MTUS1: variants seen among roughly 807,000 people sequenced by gnomAD.
The protein encoded by MTUS1 is microtubule associated scaffold protein 1.
MTUS1 carries 109 observed loss-of-function variants against 120.8 expected under a neutral mutation model. That is an observed-to-expected ratio of 0.90 (90% CI 0.77 to 1.06). The LOEUF (loss-of-function observed/expected upper bound fraction) is 1.06, where lower values mean the gene tolerates loss of function less well. Among genes scored for constraint, MTUS1 ranks in the 50% least tolerant of loss-of-function variants. The pLI is 0.00. For synonymous variants in MTUS1, 737 were observed against 550.5 expected (o/e 1.34, Z -4.74); for missense variants, 2,210 against 1,486.3 (o/e 1.49, Z -8.01).
At chr8:17,684,689 T>C (rs1380009523) in intron 6 of MTUS1, 147 bp from the exon 7 acceptor site, 2 of 660,152 alleles carry the variant, frequency 3.0e-6, no homozygotes, top group East Asian at 2.6e-5. Flanking sequence ...AGAACTGGAA[T>C]GAATCGGAGA....
chr8:17,769,676 G>A (rs1045019900), intron 1 of MTUS1, among the ~76,000 whole-genome samples: 1 of 152,010 alleles, frequency 6.6e-6, no homozygotes, highest in African/African-American at 2.4e-5. Flanking sequence ...TAAGGAAAAT[G>A]GTTTAACATT....
chr8:17,697,190 T>A, intron 6 of MTUS1: 1 of 1,509,792 alleles, frequency 6.6e-7, no homozygotes, highest in South Asian at 1.4e-5. Flanking sequence ...AAACCTCTGA[T>A]AAACATCTGC....
chr8:17,744,423 A>G (rs1380355650), intron 2 of MTUS1, among the ~76,000 whole-genome samples: 1 of 151,858 alleles, frequency 6.6e-6, no homozygotes, highest in East Asian at 1.9e-4. Flanking sequence ...TTTAGATAAT[A>G]ACTTCTTTAG....
intron 1 of MTUS1, among the ~76,000 whole-genome samples, chr8:17,775,037 C>G (rs2050310249): frequency 6.8e-6 from 1 of 148,128 alleles, no homozygotes; most frequent in East Asian, 2.0e-4. Flanking sequence ...ACATAAAGCA[C>G]CTGGAGTAGT....
intron 3 of MTUS1, among the ~76,000 whole-genome samples, chr8:17,728,731 A>C (rs1202935197): frequency 6.6e-6 from 1 of 151,634 alleles, no homozygotes; most frequent in African/African-American, 2.4e-5. Flanking sequence ...TGCCAGACTC[A>C]TAATTTTAGA....
At chr8:17,745,931 T>C (rs1343093213) in intron 2 of MTUS1, among the ~76,000 whole-genome samples, 1 of 152,150 alleles carries the variant, frequency 6.6e-6, no homozygotes, top group Non-Finnish European at 1.5e-5. Context: ...ACTTCCCCCT[T>C]GCTGTTCTTA....
At chr8:17,686,035 C>G (rs748646271) in intron 6 of MTUS1, among the ~76,000 whole-genome samples, 2 of 152,194 alleles carry the variant, frequency 1.3e-5, no homozygotes, top group African/African-American at 2.4e-5. Flanking sequence ...ATGTCATTTC[C>G]TAAATGTTTT....
In MTUS1 at chr8:17,753,699, T is replaced by C. The variant is rs575488179; in HGVS notation, c.2091+18A>G. 3 of 1,427,506 alleles carry C rather than the reference T, an allele frequency of 2.1e-6. No homozygotes were observed. Among genetic ancestry groups the C allele is most frequent in the African/African-American group, 1.4e-5 (1 of 69,550 alleles). 88.4% of individuals were successfully genotyped at this position (1,427,506 alleles called of 1,614,324 possible). A position where few individuals can be genotyped will look rare whatever the true frequency, so the allele number is the denominator to read the frequency against. ...ACAGTTCTCTGAAGCATGCAAAAAA[T>C]ATATATATATTACTTACCAAAAACA... is the stretch of plus-strand genomic sequence containing the variant. On this transcript the variant is annotated intron_variant, in intron 2 of 14. Transcript: ENST00000693296.
In MTUS1 at chr8:17,654,630, A is replaced by T; in HGVS notation, c.3145T>A (p.Leu1049Met). The T allele has an allele frequency of 6.2e-7, 1 of 1,614,188 alleles. No homozygotes were observed. Among genetic ancestry groups the T allele is most frequent in the Non-Finnish European group, 8.5e-7 (1 of 1,179,978 alleles). The change falls in exon 10 of 15, where the codon TTG becomes ATG. Residue 1049 changes from leucine to methionine, a missense_variant. Leu to Met is a conservative substitution (Grantham distance 15). Transcript: ENST00000693296. ...NLNAAHETSK[L>M]EIEASHSEKL... ...TCTGAGTGGCTAGCTTCAATTTCCA[A>T]CTTAGAGGTTTCATGCGCAGCATTT...
At chr8:17,762,010 T>A (rs1242844024) in intron 1 of MTUS1, among the ~76,000 whole-genome samples, 2 of 152,210 alleles carry the variant, frequency 1.3e-5, no homozygotes, top group Admixed American at 6.5e-5. Flanking sequence ...CCTGGTGCAG[T>A]GGCTCAGGCC....
chr8:17,693,438 A>G (rs1817345912), intron 6 of MTUS1: 1 of 152,138 alleles, frequency 6.6e-6, no homozygotes. Flanking sequence ...GTAATAATAT[A>G]TCAGAGTGCC....
chr8:17,680,787 T>C (rs142183247), intron 7 of MTUS1, among the ~76,000 whole-genome samples: 172 of 152,180 alleles, frequency 1.1e-3, no homozygotes, highest in African/African-American at 4.1e-3. Context: ...GCAGAGAGTA[T>C]AGAATGCTCA....
intron 1 of MTUS1, among the ~76,000 whole-genome samples, chr8:17,768,907 C>A (rs114223800): frequency 0.011 from 1,647 of 152,214 alleles, 30 homozygotes; most frequent in African/African-American, 0.037. Context: ...GTTTACACTT[C>A]TGGAGTTTTC....
intron 2 of MTUS1, among the ~76,000 whole-genome samples, chr8:17,751,256 G>A (rs369765126): frequency 3.4e-4 from 51 of 152,200 alleles, no homozygotes; most frequent in East Asian, 1.7e-3. Flanking sequence ...CCGAGATCGC[G>A]CCACTGCACT....
chr8:17,753,427 T>C (rs1182051439), intron 2 of MTUS1, among the ~76,000 whole-genome samples: 1 of 152,216 alleles, frequency 6.6e-6, no homozygotes, highest in Non-Finnish European at 1.5e-5. Context: ...CTTAAACTAC[T>C]AATTATACTA....
At chr8:17,697,526 C>T in intron 6 of MTUS1, 1 of 1,382,502 alleles carries the variant, frequency 7.2e-7, no homozygotes, top group Non-Finnish European at 9.4e-7. Context: ...ACCAGAGAGG[C>T]ATAGAAGAAA....
rs61733694 is a variant in MTUS1 at position 17,754,534 on chromosome 8, G to A, written c.1274C>T (p.Thr425Met). Residue 425 changes from threonine to methionine, a missense_variant, in exon 2 of 15, where the codon ACG becomes ATG. Coordinates refer to ENST00000693296, the MANE Select transcript of MTUS1 (RefSeq NM_001363059.2). ...TAGGACTGGTGTTGACATGCACATC[G>A]TTTTGTCTGTGCTAATGACCATATC... The part of the protein sequence containing the change: ...ANDMVISTDK[T>M]MCMSTPVLEP... 0.031 allele frequency: 49,590 copies of A among 1,614,124 alleles called. 918 individuals carry two copies. The highest frequency in any genetic ancestry group is 0.036 in the Non-Finnish European group (43,018 of 1,180,018).
chr8:17,732,604 C>T (rs896681826), intron 3 of MTUS1, among the ~76,000 whole-genome samples: 12 of 152,194 alleles, frequency 7.9e-5, no homozygotes, highest in Admixed American at 7.9e-4. Context: ...CTCCCACGCA[C>T]TTCAAACTTG....
chr8:17,745,676 C>G (rs1309066303), intron 2 of MTUS1, among the ~76,000 whole-genome samples: 1 of 152,178 alleles, frequency 6.6e-6, no homozygotes, highest in Non-Finnish European at 1.5e-5. Context: ...GTTTTCAATC[C>G]TTCCCCTGGG....
Sources: allele counts gnomAD v4.1 joint callset (sites outside exome capture counted in the v4.1 genomes callset), GRCh38; gene constraint gnomAD v4.1.1; transcripts MANE v1.5; gene names NCBI Gene and HGNC (gene_info 2026-07-23, HGNC 2026-07-21).